The following ABCC11 variants were observed in gnomAD, a reference collection of about 807,000 sequenced individuals.
The protein encoded by ABCC11 is ATP-binding cassette sub-family C member 11.
In ABCC11, 135 loss-of-function variants were observed where a neutral mutation model predicts 149.3. The ratio of observed to expected loss-of-function variants is 0.90; its 90% CI spans 0.79 to 1.04. The LOEUF is 1.04. ABCC11 is among the 50% of genes least tolerant of loss of function. ABCC11 has a pLI of 0.00. For missense variants in ABCC11, 1,680 were observed against 1,722.1 expected, an observed-to-expected ratio of 0.98 and a Z score of 0.43; for synonymous variants, 665 against 671.4, an observed-to-expected ratio of 0.99 and a Z score of 0.15.
intron 1 of ABCC11, 99 bp from the exon 2 acceptor site, chr16:48,232,038 G>A (rs1970453676): frequency 1.0e-5 from 16 of 1,551,640 alleles, no homozygotes; most frequent in Middle Eastern, 1.7e-4. Context: ...CTACCCTGCA[G>A]GGAGCATATT....
chr16:48,244,377 A>C (rs1245487661), intron 1 of ABCC11: 6 of 1,527,236 alleles, frequency 3.9e-6, no homozygotes, highest in Non-Finnish European at 5.3e-6. Flanking sequence ...CCCAGTGCGA[A>C]AGGCTGCCAG....
At chr16:48,198,759 C>T (rs1324401344) in intron 15 of ABCC11, among the ~76,000 whole-genome samples, 1 of 151,368 alleles carries the variant, frequency 6.6e-6, no homozygotes. Context: ...AGTTATAAGG[C>T]TGGGTGCAGT....
chr16:48,192,315 G>A (rs1274333479), intron 20 of ABCC11, among the ~76,000 whole-genome samples: 1 of 152,128 alleles, frequency 6.6e-6, no homozygotes, highest in Non-Finnish European at 1.5e-5. Context: ...CTAGTGGCAT[G>A]TGCCTGTACT....
rs574504242 is a variant in ABCC11 at position 48,176,675 on chromosome 16, A to G, written c.3538+249T>C. 3.3e-5 allele frequency among the ~76,000 whole-genome samples: 5 copies of G among 152,260 alleles called. No homozygotes were observed. In the South Asian group the frequency reaches 1.0e-3, roughly 32 times the overall value. On this transcript the variant is annotated intron_variant, in intron 25 of 29. Coordinates refer to ENST00000356608, the MANE Select transcript of ABCC11 (RefSeq NM_001370497.1). ...CATACCACCCTGTGGCAGCCACCAC[A>G]GCCTGCAGCTGTCACATTTCCGTCT...
chr16:48,213,515 C>G lies in ABCC11; in HGVS notation c.1284G>C (p.Arg428=). The part of the protein sequence containing the change: ...FSMLASLNLL[R]LSVFFVPIAV... ...CAATAGGCACAAAGAACACTGACAG[C>G]CGAAGGAGATTCAAGGAGGCCAGCA... Residue 428 remains arginine (R), a synonymous_variant, in exon 10 of 30, where the codon CGG becomes CGC. Transcript: ENST00000356608. 7 of 1,610,732 alleles carry G rather than the reference C, an allele frequency of 4.3e-6. No homozygotes were observed. Among genetic ancestry groups the G allele is most frequent in the Non-Finnish European group, 5.9e-6 (7 of 1,178,520 alleles).
chr16:48,245,979 G>A (rs1971359168), intron 1 of ABCC11, among the ~76,000 whole-genome samples: 1 of 151,970 alleles, frequency 6.6e-6, no homozygotes, highest in Admixed American at 6.6e-5. Flanking sequence ...TTTAAATTAG[G>A]GGTTCCTGAC....
intron 26 of ABCC11, among the ~76,000 whole-genome samples, chr16:48,174,227 G>A (rs190057780): frequency 2.6e-5 from 4 of 152,314 alleles, no homozygotes; most frequent in East Asian, 3.9e-4. Flanking sequence ...CCTGCTGGGG[G>A]AGCAGGGAAA....
chr16:48,187,499 G>A (rs1966819207), intron 20 of ABCC11, 72 bp from the exon 21 acceptor site: 3 of 1,335,376 alleles, frequency 2.2e-6, no homozygotes, highest in Middle Eastern at 2.4e-4. Flanking sequence ...GAAGATGCCT[G>A]TTACCCTTGA....
rs2150809826 is a variant in ABCC11 at position 48,198,179 on chromosome 16, C to T, written c.2179G>A (p.Ala727Thr). ...TTGTGCATCTTCTGGATAAGTTGGGCATATTTCCCCTTTTTCTGCATTAAC... is the reference window on the plus strand; with the variant it reads ...TTGTGCATCTTCTGGATAAGTTGGGTATATTTCCCCTTTTTCTGCATTAAC... ...SELMQKKGKYAQLIQKMHKEA... is the reference protein window; with the variant it reads ...SELMQKKGKYTQLIQKMHKEA... Residue 727 changes from alanine to threonine, a missense_variant, in exon 16 of 30, where the codon GCC (alanine) becomes ACC (threonine). Coordinates refer to ENST00000356608, the MANE Select transcript of ABCC11 (RefSeq NM_001370497.1). The T allele has an allele frequency of 6.2e-7, 1 of 1,614,188 alleles. No individual in the cohort carries two copies. The highest frequency in any genetic ancestry group is 2.2e-5 in the East Asian group (1 of 44,884).
At chr16:48,182,684 G>A (rs180816410) in intron 23 of ABCC11, among the ~76,000 whole-genome samples, 137 of 151,914 alleles carry the variant, frequency 9.0e-4, no homozygotes, top group African/African-American at 3.2e-3. Context: ...TTGGGAGGCT[G>A]AGGCAGGAGA....
chr16:48,167,575 C>T lies in ABCC11; in HGVS notation c.3977G>A (p.Gly1326Asp), dbSNP rs2150700629. The stretch of plus-strand genomic sequence containing the variant: ...GTGGGCAATGACGAGCACGGTGCAG[C>T]CCTGGAAGGCTTCACGGATTGTGCG... ...IQRTIREAFQ[G>D]CTVLVIAHRV... is the part of the protein sequence containing the mutation. Residue 1326 changes from glycine to aspartate, a missense_variant, in exon 29 of 30, where the codon GGC (glycine) becomes GAC (aspartate). Gly to Asp is a moderately conservative substitution (Grantham distance 94, BLOSUM62 -1). Coordinates refer to ENST00000356608, the MANE Select transcript of ABCC11 (RefSeq NM_001370497.1). 4 of 1,614,174 alleles carry T rather than the reference C, an allele frequency of 2.5e-6. No homozygotes were observed. The highest frequency in any genetic ancestry group is 1.3e-5 in the African/African-American group (1 of 75,042).
rs1966798326 is a variant in ABCC11, at chr16:48,187,170, C to T, written c.2933+31G>A. 2.5e-6 allele frequency: 4 copies of T among 1,613,334 alleles called. No individual in the cohort carries two copies. The South Asian group carries it at 3.3e-5, about 13-fold the overall frequency. ...GTCTGGGTTGGTCCCAGCCTTGCTC[C>T]CCAAGTCACAAGCAAAAAGAACCTA... On this transcript the variant is annotated intron_variant, in intron 21 of 29. Coordinates refer to ENST00000356608, the MANE Select transcript of ABCC11 (RefSeq NM_001370497.1).
intron 11 of ABCC11, 29 bp from the exon 12 acceptor site, chr16:48,208,525 T>C: frequency 1.9e-6 from 3 of 1,613,454 alleles, no homozygotes; most frequent in South Asian, 2.2e-5. Context: ...ATACAAGTGT[T>C]GGGACAGCAT....
intron 19 of ABCC11, 70 bp from the exon 20 acceptor site, chr16:48,192,787 C>G (rs935676412): frequency 1.4e-6 from 2 of 1,480,452 alleles, no homozygotes; most frequent in Non-Finnish European, 1.9e-6. Context: ...AAGCCTTCTC[C>G]CTGGGGCCAC....
chr16:48,203,169 C>A (rs1247358703), intron 14 of ABCC11, 59 bp downstream of exon 14: 1 of 1,478,436 alleles, frequency 6.8e-7, no homozygotes, highest in African/African-American at 1.4e-5. Flanking sequence ...CCTGGGGAGG[C>A]AGCATGAACA....
chr16:48,242,368 A>C (rs7186126), intron 1 of ABCC11, among the ~76,000 whole-genome samples: 19,713 of 151,958 alleles, frequency 0.13, 1,543 homozygotes, highest in African/African-American at 0.23. Flanking sequence ...ACCAGTTAGA[A>C]TGGCAATCAT....
At chr16:48,215,519 T>G (rs1969271923) in intron 7 of ABCC11, among the ~76,000 whole-genome samples, 175 bp from the exon 8 acceptor site, 1 of 152,212 alleles carries the variant, frequency 6.6e-6, no homozygotes, top group Admixed American at 6.5e-5. Context: ...CTTTCTTTCC[T>G]GAGTCCCAAG....
Position 48,194,004 on chromosome 16 carries a change from T to G in ABCC11, c.2405-22A>C, listed in dbSNP as rs538667661. The G allele has an allele frequency of 2.7e-5, 43 of 1,571,844 alleles. No individual in the cohort carries two copies. The Middle Eastern group carries it at 2.9e-3, about 104-fold the overall frequency. ...TAACCTGGGAGGGAGACAGTGGTGA[T>G]GTACAAGTGCCACAAACAGGTGCGA... On this transcript the variant is annotated intron_variant, in intron 18 of 29. Transcript: ENST00000356608.
intron 25 of ABCC11, 93 bp downstream of exon 25, chr16:48,176,831 G>C: frequency 7.2e-7 from 1 of 1,393,728 alleles, no homozygotes; most frequent in Non-Finnish European, 9.6e-7. Context: ...ACATATTTGG[G>C]GGATGACTGA....
Sources: allele counts gnomAD v4.1 joint callset (sites outside exome capture counted in the v4.1 genomes callset), GRCh38; gene constraint gnomAD v4.1.1; transcripts MANE v1.5; gene names NCBI Gene and HGNC (gene_info 2026-07-23, HGNC 2026-07-21).